POTEF: variants seen among roughly 807,000 people sequenced by gnomAD.
The protein encoded by POTEF is ANKRD26-like family C member 1B.
In POTEF, 20 loss-of-function variants were observed where a neutral mutation model predicts 83.2. The ratio of observed to expected loss-of-function variants is 0.24; its 90% CI spans 0.17 to 0.35. The LOEUF is 0.35. Ranked by LOEUF, POTEF falls within the 10% of genes least tolerant of loss-of-function variation. The pLI is 1.00. For missense variants in POTEF, 550 were observed against 1,203.2 expected (o/e 0.46, Z 8.03); for synonymous variants, 196 against 446.4 (o/e 0.44, Z 7.07).
intron 8 of POTEF, among the ~76,000 whole-genome samples, chr2:130,105,536 T>G (rs146439959): frequency 2.0e-5 from 3 of 151,690 alleles, no homozygotes; most frequent in Non-Finnish European, 4.4e-5. Context: ...ATCTGCCTTA[T>G]GGCTTTGTAA....
chr2:130,111,866 C>T (rs1306478107), intron 6 of POTEF, 129 bp downstream of exon 6: 4 of 627,172 alleles, frequency 6.4e-6, no homozygotes, highest in Non-Finnish European at 1.0e-5. Flanking sequence ...TGTTTTTCTA[C>T]CTAACTGATT....
chr2:130,111,627 C>A lies in POTEF; in HGVS notation c.917+368G>T, dbSNP rs1684712574. Among the ~76,000 whole-genome samples, 2 of 151,236 alleles carry A rather than the reference C, an allele frequency of 1.3e-5. 1 individual carries two copies. The highest frequency in any genetic ancestry group is 4.9e-5 in the African/African-American group (2 of 40,688). ...TAATACAGCATATTTAATGGAAAAG[C>A]ATGTAAGACACAGGTTAAAAACTAT... On this transcript the variant is annotated intron_variant, in intron 6 of 16. Transcript: ENST00000409914.
At chr2:130,123,610 A>G (rs1175312627) in intron 2 of POTEF, among the ~76,000 whole-genome samples, 1 of 151,898 alleles carries the variant, frequency 6.6e-6, no homozygotes, top group Non-Finnish European at 1.5e-5. Flanking sequence ...TAAATATCTC[A>G]TAATTATATT....
chr2:130,075,790 G>T (rs1683783024), intron 16 of POTEF, among the ~76,000 whole-genome samples: 2 of 138,522 alleles, frequency 1.4e-5, no homozygotes, highest in Admixed American at 7.3e-5. Context: ...TAAACTTTTA[G>T]GAATCTGCTC....
In POTEF at chr2:130,080,369, A is replaced by G. The variant is rs1227995682; in HGVS notation, c.1779-3168T>C. On this transcript the variant is annotated intron_variant, in intron 15 of 16. Transcript: ENST00000409914. ...AAAAATGTATAACAATATCACTATT[A>G]TTGTACAGAGAAAAAAGTGAACAAG... 8.1e-5 allele frequency among the ~76,000 whole-genome samples: 6 copies of G among 74,174 alleles called. 3 individuals carry two copies. The highest frequency in any genetic ancestry group is 4.3e-4 in the African/African-American group (6 of 13,960). The allele number at this position is 74,174 out of a possible 152,430, so 48.7% of individuals were successfully genotyped here.
At chr2:130,105,407 A>T (rs1684495966) in intron 8 of POTEF, among the ~76,000 whole-genome samples, 1 of 151,584 alleles carries the variant, frequency 6.6e-6, no homozygotes, top group Admixed American at 6.6e-5. Context: ...TACTCCAAGG[A>T]TGTATGACAA....
intron 7 of POTEF, chr2:130,109,692 C>T (rs1684655013): frequency 6.6e-6 from 1 of 150,562 alleles, no homozygotes; most frequent in African/African-American, 2.5e-5. Context: ...AGAACAAGCC[C>T]ACCTAACATC....
intron 3 of POTEF, among the ~76,000 whole-genome samples, chr2:130,117,106 A>G (rs1023952545): frequency 1.3e-5 from 2 of 151,660 alleles, no homozygotes; most frequent in African/African-American, 4.9e-5. Flanking sequence ...CATTTGCAAT[A>G]GTAATAATCA....
At chr2:130,126,024 C>G (rs1219739087) in intron 2 of POTEF, among the ~76,000 whole-genome samples, 1 of 151,110 alleles carries the variant, frequency 6.6e-6, no homozygotes, top group Non-Finnish European at 1.5e-5. Flanking sequence ...TGGCAGAGAG[C>G]CAGGCGTGGT....
At chr2:130,104,283 T>G (rs1262577638) in intron 8 of POTEF, among the ~76,000 whole-genome samples, 115 of 141,392 alleles carry the variant, frequency 8.1e-4, no homozygotes, top group Non-Finnish European at 1.4e-3. Context: ...AATTGTGAAT[T>G]CAGAGCTGTG....
chr2:130,122,973 G>A (rs1405626037), intron 2 of POTEF, among the ~76,000 whole-genome samples: 1 of 141,536 alleles, frequency 7.1e-6, no homozygotes, highest in African/African-American at 2.7e-5. Context: ...CTATTTAGAT[G>A]CCTTTCCTTT....
chr2:130,117,316 G>A (rs1354710313), intron 3 of POTEF, among the ~76,000 whole-genome samples: 1 of 151,914 alleles, frequency 6.6e-6, no homozygotes, highest in African/African-American at 2.4e-5. Context: ...GCCAACCACA[G>A]ATAGAAAAAT....
At chr2:130,106,145 C>CT (rs1464390929) in intron 8 of POTEF, among the ~76,000 whole-genome samples, 1 of 151,028 alleles carries the variant, frequency 6.6e-6, no homozygotes, top group East Asian at 1.9e-4. Context: ...GAATAAAACA[C>CT]TGTCAACAGC....
intron 11 of POTEF, among the ~76,000 whole-genome samples, chr2:130,096,468 G>GT (rs1432147322): frequency 1.6e-5 from 2 of 126,570 alleles, no homozygotes; most frequent in African/African-American, 6.3e-5. Context: ...GACTACATGA[G>GT]GTGTAGATTT....
chr2:130,108,349 C>T (rs1317436755), intron 7 of POTEF, among the ~76,000 whole-genome samples: 1 of 151,904 alleles, frequency 6.6e-6, no homozygotes, highest in East Asian at 1.9e-4. Flanking sequence ...GAAAGTGTCC[C>T]AACTCTGCAT....
intron 3 of POTEF, among the ~76,000 whole-genome samples, chr2:130,117,530 C>G (rs1684873094): frequency 6.6e-6 from 1 of 152,034 alleles, no homozygotes; most frequent in South Asian, 2.1e-4. Context: ...TCAGCTAACA[C>G]GAGCAGATTC....
intron 2 of POTEF, among the ~76,000 whole-genome samples, chr2:130,121,060 C>T (rs1333138242): frequency 4.0e-5 from 6 of 151,270 alleles, no homozygotes; most frequent in African/African-American, 1.5e-4. Context: ...CCGTTATGCG[C>T]GTGCGGCGTG....
intron 13 of POTEF, among the ~76,000 whole-genome samples, chr2:130,087,562 T>C (rs1328074542): frequency 1.3e-5 from 1 of 79,896 alleles, no homozygotes; most frequent in African/African-American, 5.7e-5. Context: ...AATATTAAAT[T>C]AGAATCTATT....
rs187621371 is a variant in POTEF at position 130,075,085 on chromosome 2, A to G, written c.2387T>C (p.Val796Ala). 29 of 1,613,814 alleles carry G rather than the reference A, an allele frequency of 1.8e-5. No individual in the cohort carries two copies. The highest frequency in any genetic ancestry group is 3.3e-5 in the South Asian group (3 of 91,076). ...WHHTFYNELR[V>A]APEEHPVLLT... ...CAGGACGGGGTGCTCCTCGGGAGCCACACGCAGCTCGTTGTAGAAGGTGTG... is the reference window on the plus strand; with the variant it reads ...CAGGACGGGGTGCTCCTCGGGAGCCGCACGCAGCTCGTTGTAGAAGGTGTG... The change falls in exon 17 of 17, where the codon GTG becomes GCG. Residue 796 changes from valine to alanine, a missense_variant. Coordinates refer to ENST00000409914, the MANE Select transcript of POTEF (RefSeq NM_001099771.2).
Sources: gnomAD v4.1 joint callset for allele counts (sites outside exome capture counted in the v4.1 genomes callset) on GRCh38, gnomAD v4.1.1 for gene constraint, MANE v1.5 for transcripts, NCBI Gene and HGNC (gene_info 2026-07-23, HGNC 2026-07-21) for gene names.